The following GRB14 variants were observed in gnomAD, a reference collection of about 807,000 sequenced individuals.
GRB14 encodes growth factor receptor bound protein 14, also known as growth factor receptor-bound protein 14.
GRB14 carries 38 observed loss-of-function variants against 69.1 expected under a neutral mutation model. The observed-to-expected ratio is 0.55, with a 90% CI of 0.42 to 0.72. The LOEUF (loss-of-function observed/expected upper bound fraction) is 0.72, where lower values mean the gene tolerates loss of function less well. Among genes scored for constraint, GRB14 ranks in the 30% least tolerant of loss-of-function variants. The pLI, the probability that GRB14 is intolerant of heterozygous loss-of-function variation, is 0.00. For synonymous variants in GRB14, 247 were observed against 241.3 expected, an observed-to-expected ratio of 1.02 and a Z score of -0.22; for missense variants, 666 against 666.1, an observed-to-expected ratio of 1.00 and a Z score of 0.00.
Position 164,617,961 on chromosome 2 carries a change from G to GT in GRB14, c.324+1725_324+1726insA, listed in dbSNP as rs1558887039. The stretch of plus-strand genomic sequence containing the variant: ...AGGACAAGCCAGAATCTTTTTTTTG[G>GT]GGGGGGGGGGGTAGTGTCAGCGGGG... On this transcript the variant is annotated intron_variant, in intron 2 of 13. Transcript: ENST00000263915. Among the ~76,000 whole-genome samples, 509 of 56,140 alleles carry GT rather than the reference G, an allele frequency of 9.1e-3. 12 individuals are homozygous for GT. Among genetic ancestry groups the GT allele is most frequent in the Non-Finnish European group, 0.012 (384 of 30,846 alleles). 36.8% of individuals were successfully genotyped at this position (56,140 alleles called of 152,430 possible).
At chr2:164,533,392 C>T (rs997167352) in intron 3 of GRB14, among the ~76,000 whole-genome samples, 2 of 151,888 alleles carry the variant, frequency 1.3e-5, no homozygotes, top group Non-Finnish European at 2.9e-5. Context: ...GCCACTGCGC[C>T]CGGCTAATTT....
intron 3 of GRB14, among the ~76,000 whole-genome samples, chr2:164,530,807 G>A (rs185336441): frequency 1.3e-5 from 2 of 152,296 alleles, no homozygotes; most frequent in African/African-American, 4.8e-5. Context: ...GTAAGGGCTA[G>A]GCTTTTCCTC....
chr2:164,548,817 T>C (rs766661681), intron 2 of GRB14, among the ~76,000 whole-genome samples: 2 of 152,222 alleles, frequency 1.3e-5, no homozygotes, highest in African/African-American at 2.4e-5. Flanking sequence ...ATTGGTGATG[T>C]TGACCACCTT....
intron 2 of GRB14, among the ~76,000 whole-genome samples, chr2:164,571,618 T>C (rs1377510152): frequency 6.6e-6 from 1 of 152,140 alleles, no homozygotes; most frequent in Non-Finnish European, 1.5e-5. Flanking sequence ...ATCAATAATA[T>C]TTATGTGAGC....
At chr2:164,547,573 C>T in intron 3 of GRB14, 87 bp downstream of exon 3, 1 of 1,080,212 alleles carries the variant, frequency 9.3e-7, no homozygotes, top group Non-Finnish European at 1.3e-6. Flanking sequence ...TCTCAAAACA[C>T]CAAATCTAAG....
chr2:164,593,028 A>G (rs1475331106), intron 2 of GRB14, among the ~76,000 whole-genome samples: 1 of 152,228 alleles, frequency 6.6e-6, no homozygotes, highest in Non-Finnish European at 1.5e-5. Context: ...TATGTTACAT[A>G]GCGGTCTGTA....
At chr2:164,558,581 A>T (rs1559050342) in intron 2 of GRB14, among the ~76,000 whole-genome samples, 1 of 152,210 alleles carries the variant, frequency 6.6e-6, no homozygotes, top group Non-Finnish European at 1.5e-5. Context: ...TCCTGCTAAG[A>T]TGCCAGGGCT....
At chr2:164,540,255 G>A (rs981779885) in intron 3 of GRB14, among the ~76,000 whole-genome samples, 3 of 152,108 alleles carry the variant, frequency 2.0e-5, no homozygotes, top group African/African-American at 4.8e-5. Flanking sequence ...TGCCTGCTAC[G>A]TGCTTCATTT....
chr2:164,518,263 A>G (rs1687546611), intron 6 of GRB14, among the ~76,000 whole-genome samples: 1 of 152,228 alleles, frequency 6.6e-6, no homozygotes. Context: ...CTGCTCCTGA[A>G]TGATTGTTAG....
chr2:164,498,054 A>C (rs567762137), intron 9 of GRB14, among the ~76,000 whole-genome samples: 22 of 152,308 alleles, frequency 1.4e-4, no homozygotes, highest in Non-Finnish European at 2.6e-4. Flanking sequence ...TTTATAATGG[A>C]GCAAACTAGA....
chr2:164,511,371 AG>A (rs1687333435), intron 6 of GRB14, among the ~76,000 whole-genome samples: 1 of 151,996 alleles, frequency 6.6e-6, no homozygotes, highest in African/African-American at 2.4e-5. Context: ...ACTTGAGGAG[AG>A]GAGAGGGAAG....
Position 164,493,201 on chromosome 2 carries a change from C to A in GRB14, c.1477-19G>T, listed in dbSNP as rs1414404526. The A allele has an allele frequency of 5.6e-6, 9 of 1,605,032 alleles. No homozygotes were observed. The highest frequency in any genetic ancestry group is 6.8e-6 in the Non-Finnish European group (8 of 1,175,020). On this transcript the variant is annotated intron_variant, in intron 13 of 13. Transcript: ENST00000263915. ...CTTCTACCTGCAAAAAGAAAAGCAA[C>A]AAATAAGTAAAGAGGATAAATTACA...
intron 2 of GRB14, among the ~76,000 whole-genome samples, chr2:164,556,759 T>C (rs945890113): frequency 6.6e-6 from 1 of 152,180 alleles, no homozygotes; most frequent in African/African-American, 2.4e-5. Flanking sequence ...TGTGCAACTA[T>C]AATTACTACG....
chr2:164,569,533 G>A (rs531860180), intron 2 of GRB14, among the ~76,000 whole-genome samples: 2 of 152,320 alleles, frequency 1.3e-5, no homozygotes, highest in African/African-American at 2.4e-5. Context: ...CAATGTGGTT[G>A]TTGTAGTAAC....
chr2:164,509,143 G>A (rs1687272740), intron 6 of GRB14, among the ~76,000 whole-genome samples: 1 of 152,124 alleles, frequency 6.6e-6, no homozygotes, highest in Non-Finnish European at 1.5e-5. Context: ...ACCATTTCAA[G>A]GAATCTGAGA....
At chr2:164,501,773 CAT>C (rs1169107074) in intron 9 of GRB14, among the ~76,000 whole-genome samples, 9 of 152,006 alleles carry the variant, frequency 5.9e-5, no homozygotes, top group African/African-American at 1.7e-4. Flanking sequence ...AAAGAGCTCA[CAT>C]GTGTATACTG....
At chr2:164,567,554 C>T (rs549254656) in intron 2 of GRB14, among the ~76,000 whole-genome samples, 3 of 152,056 alleles carry the variant, frequency 2.0e-5, no homozygotes, top group South Asian at 2.1e-4. Flanking sequence ...CTTCTCAATG[C>T]GACAGATTTG....
At chr2:164,605,077 T>C (rs1574350823) in intron 2 of GRB14, among the ~76,000 whole-genome samples, 1 of 152,300 alleles carries the variant, frequency 6.6e-6, no homozygotes, top group East Asian at 1.9e-4. Context: ...ATACAACACC[T>C]CTAGGAGTAG....
intron 2 of GRB14, among the ~76,000 whole-genome samples, chr2:164,615,623 G>A (rs78032858): frequency 3.9e-5 from 6 of 152,184 alleles, no homozygotes; most frequent in South Asian, 2.1e-4. Context: ...CTCAATTTAC[G>A]TATCACTAAA....
Sources: gnomAD v4.1 joint callset for allele counts (sites outside exome capture counted in the v4.1 genomes callset) on GRCh38, gnomAD v4.1.1 for gene constraint, MANE v1.5 for transcripts, NCBI Gene and HGNC (gene_info 2026-07-23, HGNC 2026-07-21) for gene names.